Variants in ZNF385D observed in about 807,000 individuals in gnomAD.
The protein encoded by ZNF385D is zinc finger protein 385D.
ZNF385D carries 15 observed loss-of-function variants against 35.8 expected under a neutral mutation model. The ratio of observed to expected loss-of-function variants is 0.42; its 90% CI spans 0.28 to 0.64. ZNF385D has a LOEUF of 0.64. Among genes scored for constraint, ZNF385D ranks in the 30% least tolerant of loss-of-function variants. ZNF385D has a pLI of 0.23. For missense variants in ZNF385D, 474 were observed against 494.6 expected (o/e 0.96, Z 0.39); for synonymous variants, 212 against 186.8 (o/e 1.13, Z -1.10).
chr3:21,806,947 C>T (rs2072679754), intron 3 of ZNF385D, among the ~76,000 whole-genome samples: 1 of 152,210 alleles, frequency 6.6e-6, no homozygotes, highest in Non-Finnish European at 1.5e-5. Flanking sequence ...ACAGAAATTT[C>T]ATTGCCCATG....
chr3:21,440,732 C>T (rs1701817995), intron 4 of ZNF385D, among the ~76,000 whole-genome samples: 1 of 152,072 alleles, frequency 6.6e-6, no homozygotes, highest in Admixed American at 6.6e-5. Flanking sequence ...TAAAACTATT[C>T]TAGAGTTAAA....
chr3:22,252,615 G>C (rs767247021), intron 2 of ZNF385D, among the ~76,000 whole-genome samples: 74 of 152,004 alleles, frequency 4.9e-4, no homozygotes, highest in Admixed American at 1.6e-3. Flanking sequence ...CATCTCATTT[G>C]ACTAATGCTT....
intron 2 of ZNF385D, among the ~76,000 whole-genome samples, chr3:21,611,123 A>G (rs1319165351): frequency 6.6e-6 from 1 of 152,238 alleles, no homozygotes; most frequent in East Asian, 1.9e-4. Context: ...AATCACATAC[A>G]TGTAATCACA....
intron 3 of ZNF385D, among the ~76,000 whole-genome samples, chr3:21,820,719 C>T (rs1227492143): frequency 1.3e-5 from 2 of 149,568 alleles, no homozygotes; most frequent in African/African-American, 4.9e-5. Context: ...TAAGTAATTT[C>T]AGGAATGAAT....
chr3:21,479,019 T>C (rs1386646428), intron 4 of ZNF385D, among the ~76,000 whole-genome samples: 1 of 146,484 alleles, frequency 6.8e-6, no homozygotes, highest in African/African-American at 2.5e-5. Flanking sequence ...CATGATAAAG[T>C]GAAAACCATA....
chr3:21,732,042 T>G (rs1444535141), intron 1 of ZNF385D, among the ~76,000 whole-genome samples: 4,591 of 35,766 alleles, frequency 0.13, 1,255 homozygotes, highest in Middle Eastern at 0.29. Flanking sequence ...TTTTTTTTTT[T>G]TTTTTTTTTT....
intron 5 of ZNF385D, among the ~76,000 whole-genome samples, chr3:21,430,476 GAA>G (rs1052982557): frequency 1.7e-4 from 26 of 152,214 alleles, no homozygotes; most frequent in African/African-American, 6.0e-4. Context: ...GTGACCAAAG[GAA>G]ACCCAGGGAA....
intron 1 of ZNF385D, among the ~76,000 whole-genome samples, chr3:21,748,512 C>G (rs2069893177): frequency 6.6e-6 from 1 of 152,170 alleles, no homozygotes; most frequent in African/African-American, 2.4e-5. Context: ...CGTACCATAG[C>G]ATCACCATGC....
chr3:21,789,087 T>C lies in ZNF385D; in HGVS notation c.326-124059A>G, dbSNP rs186656926. ...AGACAATATTTAACTCCTAGAAAAA[T>C]AAAAAGAAATTGTTCAATAAAGCAA... On this transcript the variant is annotated intron_variant, in intron 3 of 5. Transcript: ENST00000494108. 7.9e-5 allele frequency among the ~76,000 whole-genome samples: 12 copies of C among 151,766 alleles called. No homozygotes were observed. The East Asian group carries it at 1.9e-3, about 25-fold the overall frequency.
At chr3:21,701,365 A>G (rs533542239) in intron 1 of ZNF385D, among the ~76,000 whole-genome samples, 1 of 152,140 alleles carries the variant, frequency 6.6e-6, no homozygotes, top group Non-Finnish European at 1.5e-5. Flanking sequence ...ATCTCGTGAG[A>G]CTTATTCACC....
At chr3:22,280,019 A>G (rs1444135255) in intron 2 of ZNF385D, among the ~76,000 whole-genome samples, 1 of 151,904 alleles carries the variant, frequency 6.6e-6, no homozygotes, top group Non-Finnish European at 1.5e-5. Flanking sequence ...TTTGATTTGC[A>G]TTTCCCTGAT....
intron 3 of ZNF385D, among the ~76,000 whole-genome samples, chr3:21,989,783 A>G (rs1046011461): frequency 5.3e-5 from 8 of 152,212 alleles, no homozygotes; most frequent in African/African-American, 1.7e-4. Flanking sequence ...GACCCAGGTT[A>G]CACAAAATTA....
chr3:21,817,505 G>A (rs2073203644), intron 3 of ZNF385D, among the ~76,000 whole-genome samples: 1 of 151,350 alleles, frequency 6.6e-6, no homozygotes, highest in Non-Finnish European at 1.5e-5. Context: ...TGAACAACAA[G>A]TGGGTGAAGG....
At chr3:22,092,573 C>T (rs926204967) in intron 3 of ZNF385D, among the ~76,000 whole-genome samples, 8 of 152,122 alleles carry the variant, frequency 5.3e-5, no homozygotes, top group East Asian at 1.9e-4. Flanking sequence ...GAATCTGGAT[C>T]GGTATGGTGT....
intron 3 of ZNF385D, among the ~76,000 whole-genome samples, chr3:22,103,056 G>A (rs1464860373): frequency 6.6e-6 from 1 of 151,322 alleles, no homozygotes. Flanking sequence ...CTAAAGTCAA[G>A]ACTGATTTTC....
chr3:22,022,923 G>A (rs1005949532), intron 3 of ZNF385D, among the ~76,000 whole-genome samples: 18 of 152,114 alleles, frequency 1.2e-4, no homozygotes, highest in Non-Finnish European at 1.5e-5. Context: ...AATATGGTTG[G>A]CCCTGTGGGG....
intron 2 of ZNF385D, among the ~76,000 whole-genome samples, chr3:22,339,977 T>A (rs2125476476): frequency 6.6e-6 from 1 of 152,350 alleles, no homozygotes. Context: ...CTGTGACCAT[T>A]TGTCTAAATC....
intron 2 of ZNF385D, among the ~76,000 whole-genome samples, chr3:22,296,179 A>G (rs1702566617): frequency 6.6e-6 from 1 of 152,166 alleles, no homozygotes; most frequent in African/African-American, 2.4e-5. Context: ...CAAGTTATCT[A>G]TTGCTACAAT....
At chr3:22,313,358 C>T (rs1263921060) in intron 2 of ZNF385D, among the ~76,000 whole-genome samples, 1 of 151,676 alleles carries the variant, frequency 6.6e-6, no homozygotes, top group African/African-American at 2.4e-5. Context: ...ATGTAACAAA[C>T]CTGCACGTTG....
Sources: allele counts gnomAD v4.1 joint callset (sites outside exome capture counted in the v4.1 genomes callset), GRCh38; gene constraint gnomAD v4.1.1; transcripts MANE v1.5; gene names NCBI Gene and HGNC (gene_info 2026-07-23, HGNC 2026-07-21).